Variants in DPP10 observed in about 807,000 individuals in gnomAD.
DPP10 encodes the protein dipeptidyl peptidase like 10, also known as inactive dipeptidyl peptidase 10.
In DPP10, 33 loss-of-function variants were observed where a neutral mutation model predicts 120.9. The ratio of observed to expected loss-of-function variants is 0.27; its 90% CI spans 0.21 to 0.37. The LOEUF (loss-of-function observed/expected upper bound fraction) is 0.37. Ranked by LOEUF, DPP10 falls within the 10% of genes least tolerant of loss-of-function variation. The probability of loss-of-function intolerance (pLI) is 1.00; values close to 1 mark genes in which losing one functional copy is unlikely to be tolerated. For synonymous variants in DPP10, 337 were observed against 326.1 expected (o/e 1.03, Z -0.36); for missense variants, 816 against 942.8 (o/e 0.87, Z 1.76).
chr2:115,564,865 T>C (rs1299162162), intron 5 of DPP10, among the ~76,000 whole-genome samples: 3 of 152,116 alleles, frequency 2.0e-5, no homozygotes, highest in Non-Finnish European at 4.4e-5. Flanking sequence ...TATTAGTCAG[T>C]TGGGTTAGAG....
chr2:114,505,082 A>C (rs1487548113), intron 1 of DPP10, among the ~76,000 whole-genome samples: 1 of 147,168 alleles, frequency 6.8e-6, no homozygotes, highest in Non-Finnish European at 1.5e-5. Flanking sequence ...AAAAAGAAGG[A>C]AACTGAGGTA....
chr2:115,472,298 A>G (rs139760806), intron 3 of DPP10, among the ~76,000 whole-genome samples: 1 of 152,320 alleles, frequency 6.6e-6, no homozygotes, highest in African/African-American at 2.4e-5. Context: ...TGGTAGAACA[A>G]ATTTTGAAGA....
At chr2:115,517,342 T>C (rs1046999173) in intron 4 of DPP10, among the ~76,000 whole-genome samples, 2 of 152,140 alleles carry the variant, frequency 1.3e-5, no homozygotes, top group Admixed American at 1.3e-4. Context: ...CTATGTAAAT[T>C]ATTTATATCC....
chr2:114,663,789 T>C (rs1225522029), intron 1 of DPP10, among the ~76,000 whole-genome samples: 1 of 151,794 alleles, frequency 6.6e-6, no homozygotes, highest in African/African-American at 2.4e-5. Context: ...AGCGATTTAC[T>C]TAGTCTCTCT....
chr2:115,311,048 C>T (rs2061555385), intron 2 of DPP10, among the ~76,000 whole-genome samples: 1 of 152,180 alleles, frequency 6.6e-6, no homozygotes, highest in Non-Finnish European at 1.5e-5. Context: ...CTGCTCAACC[C>T]TTTTCAATTT....
chr2:114,606,932 T>C (rs1434299081), intron 1 of DPP10, among the ~76,000 whole-genome samples: 1 of 152,186 alleles, frequency 6.6e-6, no homozygotes, highest in East Asian at 1.9e-4. Flanking sequence ...ATGACTTCTC[T>C]ATTTCCCCGC....
intron 2 of DPP10, among the ~76,000 whole-genome samples, chr2:115,315,307 G>T (rs1050202059): frequency 6.6e-6 from 1 of 151,360 alleles, no homozygotes; most frequent in African/African-American, 2.4e-5. Context: ...ACATCTATAT[G>T]TAAAACTCAT....
At chr2:114,653,023 A>AGTGTGTGTGT (rs1307967017) in intron 1 of DPP10, among the ~76,000 whole-genome samples, 14 of 102,634 alleles carry the variant, frequency 1.4e-4, no homozygotes, top group African/African-American at 8.8e-4. Context: ...AGAGAGAGAG[A>AGTGTGTGTGT]GAGAGTGTGT....
At chr2:114,631,689 T>G (rs1425693524) in intron 1 of DPP10, among the ~76,000 whole-genome samples, 18 of 152,118 alleles carry the variant, frequency 1.2e-4, no homozygotes, top group Non-Finnish European at 1.5e-5. Context: ...ATCAAGACAC[T>G]TCACTTCTAA....
chr2:115,627,779 G>A (rs184341374), intron 5 of DPP10, among the ~76,000 whole-genome samples: 26 of 152,188 alleles, frequency 1.7e-4, no homozygotes, highest in African/African-American at 6.0e-4. Flanking sequence ...AAGAGGCAGT[G>A]TTTTGTTTTC....
At chr2:115,039,913 C>T (rs778702281) in intron 1 of DPP10, among the ~76,000 whole-genome samples, 12 of 151,620 alleles carry the variant, frequency 7.9e-5, no homozygotes, top group African/African-American at 2.9e-4. Flanking sequence ...CGGCAGAAGG[C>T]GACAGGAGAG....
Position 115,207,416 on chromosome 2 carries a change from C to CAAAAAAAAAAAAAAAAAAA in DPP10, c.61-101811_61-101793dup, listed in dbSNP as rs57462947. On this transcript the variant is annotated intron_variant, in intron 1 of 25. Transcript: ENST00000410059. ...GGTTTTTAAAGAGTGCTTACTGCAC[C>CAAAAAAAAAAAAAAAAAAA]AAAAAAAAAAAAAAAAAAAAAAAAA... Among the ~76,000 whole-genome samples, 25 of 52,302 alleles carry CAAAAAAAAAAAAAAAAAAA rather than the reference C, an allele frequency of 4.8e-4. 2 individuals carry two copies. Among genetic ancestry groups the CAAAAAAAAAAAAAAAAAAA allele is most frequent in the African/African-American group, 1.7e-3 (25 of 15,136 alleles). 34.3% of individuals were successfully genotyped at this position (52,302 alleles called of 152,430 possible).
chr2:114,525,950 C>A (rs548314269), intron 1 of DPP10, among the ~76,000 whole-genome samples: 10 of 152,292 alleles, frequency 6.6e-5, no homozygotes, highest in African/African-American at 2.4e-4. Flanking sequence ...ATGTCTCCCT[C>A]TATTTAGGCA....
intron 5 of DPP10, among the ~76,000 whole-genome samples, chr2:115,605,780 T>C (rs1296381215): frequency 6.6e-6 from 1 of 152,126 alleles, no homozygotes; most frequent in Non-Finnish European, 1.5e-5. Context: ...CAAACATTTC[T>C]GGAGCACCTA....
At chr2:114,749,777 G>T (rs796744086) in intron 1 of DPP10, among the ~76,000 whole-genome samples, 2 of 151,664 alleles carry the variant, frequency 1.3e-5, no homozygotes, top group African/African-American at 2.4e-5. Flanking sequence ...ATACATGAAC[G>T]CCAAAGAGAA....
chr2:115,386,604 C>A (rs192769505), intron 3 of DPP10, among the ~76,000 whole-genome samples: 1 of 152,104 alleles, frequency 6.6e-6, no homozygotes, highest in Non-Finnish European at 1.5e-5. Context: ...TTGTTGATTC[C>A]TCTGCTGCTA....
intron 1 of DPP10, among the ~76,000 whole-genome samples, chr2:114,773,955 CTT>C (rs1681497678): frequency 1.3e-5 from 2 of 151,570 alleles, no homozygotes; most frequent in Non-Finnish European, 2.9e-5. Flanking sequence ...TGAAGTATAA[CTT>C]TTAAACTTTA....
chr2:114,907,615 C>A (rs919834774), intron 1 of DPP10, among the ~76,000 whole-genome samples: 9 of 151,980 alleles, frequency 5.9e-5, no homozygotes, highest in Non-Finnish European at 1.2e-4. Flanking sequence ...CCAAAATTTC[C>A]TTCTTATTGA....
At chr2:115,419,186 A>G (rs1412559576) in intron 3 of DPP10, among the ~76,000 whole-genome samples, 2 of 152,206 alleles carry the variant, frequency 1.3e-5, no homozygotes, top group African/African-American at 2.4e-5. Flanking sequence ...CATCTAAGAT[A>G]AAATTTCAAA....
Sources: gnomAD v4.1 joint callset for allele counts (sites outside exome capture counted in the v4.1 genomes callset) on GRCh38, gnomAD v4.1.1 for gene constraint, MANE v1.5 for transcripts, NCBI Gene and HGNC (gene_info 2026-07-23, HGNC 2026-07-21) for gene names.